Variants in TRABD2B observed in about 807,000 individuals in gnomAD.
TRABD2B encodes TraB domain containing 2B.
TRABD2B carries 14 observed loss-of-function variants against 40.1 expected under a neutral mutation model. The ratio of observed to expected loss-of-function variants is 0.35; its 90% CI spans 0.23 to 0.55. The LOEUF (loss-of-function observed/expected upper bound fraction) is 0.55, where lower values mean the gene tolerates loss of function less well. Among genes scored for constraint, TRABD2B ranks in the 20% least tolerant of loss-of-function variants. The pLI is 0.90. For synonymous variants in TRABD2B, 263 were observed against 277.0 expected (o/e 0.95, Z 0.50); for missense variants, 541 against 648.6 (o/e 0.83, Z 1.80).
intron 2 of TRABD2B, among the ~76,000 whole-genome samples, chr1:47,866,255 G>C (rs182634423): frequency 8.5e-4 from 130 of 152,074 alleles, no homozygotes; most frequent in African/African-American, 2.9e-3. Flanking sequence ...TCTGTCCCTT[G>C]GAAGTCATAG....
Position 47,834,967 on chromosome 1 carries a change from G to A in TRABD2B, c.667-33348C>T, listed in dbSNP as rs1007700098. ...GGAAGTCCAGAAGTTGGACTTACTA[G>A]GCAAAGACTTTAAATCAGCTATTTT... On this transcript the variant is annotated intron_variant, in intron 2 of 6. Transcript: ENST00000606738. 3.3e-5 allele frequency among the ~76,000 whole-genome samples: 5 copies of A among 152,264 alleles called. No homozygotes were observed. In the East Asian group the frequency reaches 9.7e-4, roughly 29 times the overall value.
intron 2 of TRABD2B, among the ~76,000 whole-genome samples, chr1:47,802,576 C>G (rs1422567517): frequency 6.6e-6 from 1 of 152,176 alleles, no homozygotes; most frequent in Non-Finnish European, 1.5e-5. Flanking sequence ...GGTCCCTGTA[C>G]AGAAAGTCAG....
At chr1:47,979,514 G>A (rs1223441573) in intron 2 of TRABD2B, among the ~76,000 whole-genome samples, 2 of 152,146 alleles carry the variant, frequency 1.3e-5, no homozygotes, top group East Asian at 1.9e-4. Context: ...GGGGCTGAGC[G>A]AGGGGAGGGA....
intron 2 of TRABD2B, among the ~76,000 whole-genome samples, chr1:47,874,802 T>A (rs935897119): frequency 3.3e-5 from 5 of 151,484 alleles, no homozygotes; most frequent in African/African-American, 1.2e-4. Context: ...CGGATTGGTC[T>A]CCAATTCCTG....
At chr1:47,983,636 T>C (rs1315303757) in intron 2 of TRABD2B, among the ~76,000 whole-genome samples, 1 of 151,674 alleles carries the variant, frequency 6.6e-6, no homozygotes, top group South Asian at 2.1e-4. Context: ...TTCTCAAAAA[T>C]GTACTATAAT....
intron 2 of TRABD2B, among the ~76,000 whole-genome samples, chr1:47,833,494 C>T (rs1645277332): frequency 6.6e-6 from 1 of 152,234 alleles, no homozygotes; most frequent in African/African-American, 2.4e-5. Flanking sequence ...TGATCATTGG[C>T]AGAAGAGGTT....
intron 2 of TRABD2B, among the ~76,000 whole-genome samples, chr1:47,963,382 C>T (rs1459388857): frequency 6.6e-6 from 1 of 152,196 alleles, no homozygotes; most frequent in Non-Finnish European, 1.5e-5. Flanking sequence ...GAGCCCATCC[C>T]TCTTGATTCT....
At chr1:47,870,958 G>A (rs904703735) in intron 2 of TRABD2B, among the ~76,000 whole-genome samples, 14 of 152,180 alleles carry the variant, frequency 9.2e-5, no homozygotes, top group African/African-American at 3.1e-4. Context: ...CATCAGGACT[G>A]CAGGGAGACA....
intron 2 of TRABD2B, among the ~76,000 whole-genome samples, chr1:47,840,068 G>T (rs1645375455): frequency 6.6e-6 from 1 of 152,120 alleles, no homozygotes; most frequent in Non-Finnish European, 1.5e-5. Context: ...TGCAGCCCAG[G>T]GCCTAATGAG....
intron 2 of TRABD2B, among the ~76,000 whole-genome samples, chr1:47,885,750 ATC>A (rs1644362772): frequency 6.6e-6 from 1 of 152,190 alleles, no homozygotes; most frequent in African/African-American, 2.4e-5. Flanking sequence ...TTGGGAAGGC[ATC>A]CTGCAAATAG....
Position 47,949,014 on chromosome 1 carries a change from T to C in TRABD2B, c.666+45020A>G, listed in dbSNP as rs114033336. Among the ~76,000 whole-genome samples, 556 of 152,150 alleles carry C rather than the reference T, an allele frequency of 3.7e-3. 6 individuals are homozygous for C. Among genetic ancestry groups the C allele is most frequent in the African/African-American group, 0.012 (511 of 41,480 alleles). ...TATTTTATAAATAAGAAAACTGAGG[T>C]TCAAGGGGGTTACGTGACTAACATA... On this transcript the variant is annotated intron_variant, in intron 2 of 6. Transcript: ENST00000606738.
At chr1:47,782,467 G>T (rs1379826037) in intron 4 of TRABD2B, among the ~76,000 whole-genome samples, 1 of 152,284 alleles carries the variant, frequency 6.6e-6, no homozygotes, top group Middle Eastern at 3.4e-3. Context: ...TGAGGGCAGG[G>T]GTCATGCCTG....
intron 4 of TRABD2B, among the ~76,000 whole-genome samples, chr1:47,793,321 A>G (rs1175038619): frequency 6.6e-6 from 1 of 152,204 alleles, no homozygotes; most frequent in Non-Finnish European, 1.5e-5. Context: ...GCTGTGCCTT[A>G]AAGGTGCTGT....
At chr1:47,987,744 C>T (rs1645940048) in intron 2 of TRABD2B, among the ~76,000 whole-genome samples, 2 of 152,320 alleles carry the variant, frequency 1.3e-5, no homozygotes, top group South Asian at 4.1e-4. Context: ...CCCAGGGGTC[C>T]CTGCTAGGGG....
intron 2 of TRABD2B, among the ~76,000 whole-genome samples, chr1:47,843,958 C>T (rs373209805): frequency 6.6e-6 from 1 of 152,168 alleles, no homozygotes; most frequent in African/African-American, 2.4e-5. Context: ...GGGCACCCAG[C>T]CCCAGGCCCG....
chr1:47,783,547 G>C (rs1373676154), intron 4 of TRABD2B, among the ~76,000 whole-genome samples: 3 of 152,172 alleles, frequency 2.0e-5, no homozygotes, highest in Non-Finnish European at 4.4e-5. Flanking sequence ...GCCTAAAGGT[G>C]GACTGGATCT....
At chr1:47,810,680 G>C (rs763613134) in intron 2 of TRABD2B, among the ~76,000 whole-genome samples, 5 of 152,258 alleles carry the variant, frequency 3.3e-5, no homozygotes, top group Admixed American at 6.5e-5. Flanking sequence ...GTGATTGTCA[G>C]AATATTCACG....
chr1:47,956,359 T>C (rs1384614387), intron 2 of TRABD2B, among the ~76,000 whole-genome samples: 1 of 152,144 alleles, frequency 6.6e-6, no homozygotes, highest in African/African-American at 2.4e-5. Flanking sequence ...CTGGGGCTTG[T>C]CGGACAGTGG....
intron 2 of TRABD2B, among the ~76,000 whole-genome samples, chr1:47,803,673 A>C (rs536498493): frequency 1.3e-5 from 2 of 152,302 alleles, no homozygotes; most frequent in African/African-American, 4.8e-5. Flanking sequence ...ATTATATTGT[A>C]TTTGCTGTTT....
Sources: allele counts gnomAD v4.1 joint callset (sites outside exome capture counted in the v4.1 genomes callset), GRCh38; gene constraint gnomAD v4.1.1; transcripts MANE v1.5; gene names NCBI Gene and HGNC (gene_info 2026-07-23, HGNC 2026-07-21).